CFAP74: variants seen among roughly 807,000 people sequenced by gnomAD.
CFAP74 encodes the protein cilia and flagella associated protein 74, also known as cilia- and flagella-associated protein 74.
Under a neutral mutation model 188.9 loss-of-function variants are expected in CFAP74, and 124 were observed. The ratio of observed to expected loss-of-function variants is 0.66; its 90% CI spans 0.57 to 0.76. CFAP74 has a LOEUF of 0.76. Ranked by LOEUF, CFAP74 falls within the 30% of genes least tolerant of loss-of-function variation. The pLI, the probability that CFAP74 is intolerant of heterozygous loss-of-function variation, is 0.00. For missense variants in CFAP74, 2,198 were observed against 2,165.2 expected (o/e 1.02, Z -0.30); for synonymous variants, 956 against 916.7 (o/e 1.04, Z -0.77).
In CFAP74 at chr1:1,985,391, C is replaced by G. The variant is rs1400164215; in HGVS notation, c.495G>C (p.Glu165Asp). The change falls in exon 6 of 39, where the codon GAG becomes GAC. Residue 165 changes from glutamate to aspartate, a missense_variant. Glu to Asp is a conservative substitution (Grantham distance 45). Coordinates refer to ENST00000682832, the MANE Select transcript of CFAP74 (RefSeq NM_001304360.2). The part of the protein sequence containing the change: ...LQSRTEAVLK[E>D]SENTMWHIEI... Reference sequence around the variant, plus strand: ...CCGGCTGCACACCGACTCACTCGCTCTCCTTCAGCACGGCCTCAGTCCTCG... The same window carrying G: ...CCGGCTGCACACCGACTCACTCGCTGTCCTTCAGCACGGCCTCAGTCCTCG... 1 of 1,613,720 alleles carries G rather than the reference C, an allele frequency of 6.2e-7. No individual in the cohort carries two copies. The highest frequency in any genetic ancestry group is 8.5e-7 in the Non-Finnish European group (1 of 1,179,800).
At chr1:1,957,771 G>A (rs948157455) in intron 16 of CFAP74, among the ~76,000 whole-genome samples, 3 of 145,188 alleles carry the variant, frequency 2.1e-5, no homozygotes, top group South Asian at 2.2e-4. Flanking sequence ...GTCTGCGGGG[G>A]GGCGGGGGAC....
rs1651589490 is a variant in CFAP74, at chr1:1,923,795, G to A, written c.4369C>T (p.Gln1457Ter). The A allele has an allele frequency of 6.2e-7, 1 of 1,613,364 alleles. No homozygotes were observed. The highest frequency in any genetic ancestry group is 1.3e-5 in the African/African-American group (1 of 74,892). Residue 1457 changes from glutamine (Q) to a stop codon, truncating the protein, a stop_gained, in exon 35 of 39, where the codon CAG (glutamine) becomes TAG (stop). Transcript: ENST00000682832. LOFTEE classifies it high-confidence loss of function. This position sits in a 1 kb window ranked among gnomAD's most constrained non-coding sequence, Gnocchi z 6.3. ...HESLYFSDKL[Q>*]VVLFEKKISH... ...CGCACCTTTTCAAAGAGCACCACCT[G>A]GAGCTTGTCGGAGAAGTAGAGGCTT...
chr1:1,955,464 C>G, intron 18 of CFAP74: 1 of 1,563,164 alleles, frequency 6.4e-7, no homozygotes, highest in South Asian at 1.1e-5. Flanking sequence ...CTGGAGGTGC[C>G]TTCAAGTCTT....
intron 12 of CFAP74, among the ~76,000 whole-genome samples, chr1:1,965,847 G>A (rs1431300920): frequency 6.6e-6 from 1 of 152,226 alleles, no homozygotes; most frequent in East Asian, 1.9e-4. Context: ...CAGAAACCGG[G>A]CGGCGGGCAT....
intron 22 of CFAP74, 65 bp downstream of exon 22, chr1:1,941,963 G>C: frequency 7.2e-7 from 1 of 1,393,402 alleles, no homozygotes; most frequent in Non-Finnish European, 9.3e-7. Flanking sequence ...CCAGTGGCGA[G>C]GAGCGCCTCG....
At chr1:1,996,228 G>T (rs866555719) in intron 1 of CFAP74, among the ~76,000 whole-genome samples, 1 of 152,062 alleles carries the variant, frequency 6.6e-6, no homozygotes, top group Non-Finnish European at 1.5e-5. Flanking sequence ...CGGGTAATCC[G>T]CCCGCCTCAG....
rs746615855 is a variant in CFAP74 at position 1,971,988 on chromosome 1, C to T, written c.880G>A (p.Ala294Thr). The T allele has an allele frequency of 1.2e-5, 19 of 1,609,724 alleles. No homozygotes were observed. Among genetic ancestry groups the T allele is most frequent in the East Asian group, 2.2e-5 (1 of 44,902 alleles). The change falls in exon 9 of 39, where the codon GCG (alanine) becomes ACG (threonine). Residue 294 changes from alanine to threonine, a missense_variant. Transcript: ENST00000682832. Reference protein sequence around the residue: ...AVVALKGSISANRDTLRKFQA... With the variant: ...AVVALKGSISTNRDTLRKFQA... ...GGGCTGCGGGGGCCTACCCGGTTCG[C>T]GGAGATGCTGCCCTTCAGCGCCACC...
chr1:1,926,047 G>C (rs533096289), intron 32 of CFAP74, 109 bp from the exon 33 acceptor site: 2 of 1,411,158 alleles, frequency 1.4e-6, no homozygotes, highest in Non-Finnish European at 9.4e-7. Context: ...ACAGCTCTGG[G>C]GGGGCTCTGT....
intron 18 of CFAP74, among the ~76,000 whole-genome samples, chr1:1,951,817 T>C (rs1654217768): frequency 6.6e-6 from 1 of 152,034 alleles, no homozygotes; most frequent in Admixed American, 6.6e-5. Context: ...ACGCCTGTAA[T>C]CTTAGCACTT....
chr1:1,942,874 A>T lies in CFAP74; in HGVS notation c.2487-718T>A, dbSNP rs1653481637. Among the ~76,000 whole-genome samples the T allele has an allele frequency of 6.6e-6, 1 of 152,106 alleles. No individual in the cohort carries two copies. Among genetic ancestry groups the T allele is most frequent in the Non-Finnish European group, 1.5e-5 (1 of 68,000 alleles). Reference sequence around the variant, plus strand: ...GGGACCCAGAGGGTGTGGCAGTGAGAAATCTCCTCCCTCCTGTGCTTCCAT... The same window carrying T: ...GGGACCCAGAGGGTGTGGCAGTGAGTAATCTCCTCCCTCCTGTGCTTCCAT... On this transcript the variant is annotated intron_variant, in intron 21 of 38. Transcript: ENST00000682832. This position sits in a 1 kb window ranked among gnomAD's most constrained non-coding sequence, Gnocchi z 4.3.
chr1:1,988,835 CACCCCCACCCCCA>C, intron 3 of CFAP74, 41 bp downstream of exon 3: 1 of 387,758 alleles, frequency 2.6e-6, no homozygotes. Context: ...CCCCCACCCC[CACCCCCACCCCCA>C]CCCCCCCACA....
At chr1:1,943,127 T>C (rs1272312239) in intron 21 of CFAP74, among the ~76,000 whole-genome samples, 2 of 152,190 alleles carry the variant, frequency 1.3e-5, no homozygotes, top group Non-Finnish European at 2.9e-5. Flanking sequence ...CCAGAGTCTA[T>C]ACAAATGAGC....
intron 34 of CFAP74, among the ~76,000 whole-genome samples, chr1:1,924,144 ACCCCCC>A (rs1187697758): frequency 4.7e-5 from 1 of 21,314 alleles, no homozygotes; most frequent in African/African-American, 2.0e-4. Context: ...CTCACTGCCC[ACCCCCC>A]CAGCTCACCG....
intron 17 of CFAP74, among the ~76,000 whole-genome samples, chr1:1,956,108 C>A (rs979518809): frequency 2.6e-5 from 4 of 152,268 alleles, no homozygotes; most frequent in African/African-American, 9.6e-5. Flanking sequence ...TGTGCTGCCC[C>A]AGCCTGGGAG....
chr1:1,972,568 G>A (rs534347052), intron 8 of CFAP74, among the ~76,000 whole-genome samples: 1 of 152,366 alleles, frequency 6.6e-6, no homozygotes, highest in South Asian at 2.1e-4. Context: ...TCAGGAGGCT[G>A]GGTGCAGTGG....
chr1:1,965,257 G>A (rs1346015433), intron 12 of CFAP74, among the ~76,000 whole-genome samples, 196 bp from the exon 13 acceptor site: 4 of 152,130 alleles, frequency 2.6e-5, no homozygotes, highest in Admixed American at 1.3e-4. Flanking sequence ...CCTGGGGACC[G>A]ACTGACTTTC....
At position 1,923,066 on chromosome 1, in the gene CFAP74, A is replaced by G; in HGVS notation, c.4602T>C (p.Phe1534=). 1 of 1,609,578 alleles carries G rather than the reference A, an allele frequency of 6.2e-7. No individual in the cohort carries two copies. Among genetic ancestry groups the G allele is most frequent in the Admixed American group, 1.7e-5 (1 of 58,814 alleles). The change falls in exon 37 of 39, where the codon TTT becomes TTC. Residue 1534 remains phenylalanine (F), a synonymous_variant. Transcript: ENST00000682832. This position sits in a 1 kb window ranked among gnomAD's most constrained non-coding sequence, Gnocchi z 6.3. ...PILVTLDYIQ[F]DTDTPAPPAT... ...CAGGTGGGGCTGGCGTGTCTGTGTC[A>G]AACTGGATGTAGTCCAGGGTCACCA...
At chr1:1,938,732 C>T in intron 25 of CFAP74, 123 bp downstream of exon 25, 1 of 1,199,480 alleles carries the variant, frequency 8.3e-7, no homozygotes, top group East Asian at 2.6e-5. Flanking sequence ...TGCTGCCCAG[C>T]CCAGCCCTGT....
rs992392803 is a variant in CFAP74, at chr1:1,975,438, A to G, written c.501-1240T>C. 6.6e-6 allele frequency among the ~76,000 whole-genome samples: 1 copy of G among 152,118 alleles called. No homozygotes were observed. The highest frequency in any genetic ancestry group is 1.5e-5 in the Non-Finnish European group (1 of 68,022). On this transcript the variant is annotated intron_variant, in intron 6 of 38. Coordinates refer to ENST00000682832, the MANE Select transcript of CFAP74 (RefSeq NM_001304360.2). The surrounding 1 kb of genome is among the most constrained non-coding windows in gnomAD (Gnocchi z 4.5). ...GTGTCTCACACGTGGCTGGATTTCA[A>G]TGTTGAATGTTTGATTTGGGGTTTT...
Sources: gnomAD v4.1 joint callset for allele counts (sites outside exome capture counted in the v4.1 genomes callset) on GRCh38, gnomAD v4.1.1 for gene constraint, Gnocchi (gnomAD v3.1) non-coding constraint, MANE v1.5 for transcripts, NCBI Gene and HGNC (gene_info 2026-07-23, HGNC 2026-07-21) for gene names.